The following GJC3 variants were observed in gnomAD, a reference collection of about 807,000 sequenced individuals.
GJC3 encodes the protein gap junction protein gamma 3, also known as gap junction gamma-3 protein.
In GJC3, 17 loss-of-function variants were observed where a neutral mutation model predicts 19.8. The ratio of observed to expected loss-of-function variants is 0.86; its 90% CI spans 0.59 to 1.29. The LOEUF (loss-of-function observed/expected upper bound fraction) is 1.29, where lower values mean the gene tolerates loss of function less well. Ranked by LOEUF, GJC3 falls within the 50% of genes most tolerant of loss-of-function variation. The pLI is 0.00. For synonymous variants in GJC3, 140 were observed against 136.5 expected (o/e 1.03, Z -0.18); for missense variants, 317 against 332.5 (o/e 0.95, Z 0.36).
At position 99,929,412 on chromosome 7, in the gene GJC3, G is replaced by T. The variant is rs1438307080; in HGVS notation, c.209C>A (p.Pro70His). 6.2e-7 allele frequency: 1 copy of T among 1,614,102 alleles called. No individual in the cohort carries two copies. The highest frequency in any genetic ancestry group is 1.7e-5 in the Admixed American group (1 of 60,030). Reference sequence around the variant, plus strand: ...GACCCAGAAACGCAGCGGGGAGAGGGGGTGGAAGGCATCGAAGCAGGCAGC... The same window carrying T: ...GACCCAGAAACGCAGCGGGGAGAGGTGGTGGAAGGCATCGAAGCAGGCAGC... ...CKAACFDAFH[P>H]LSPLRFWVFQ... is the part of the protein sequence containing the mutation. Residue 70 changes from proline to histidine, a missense_variant, in exon 1 of 2, where the codon CCC (proline) becomes CAC (histidine). Transcript: ENST00000312891.
At chr7:99,930,599 A>G (rs1359887782), upstream of GJC3, among the ~76,000 whole-genome samples, 1 of 152,148 alleles carries the variant, frequency 6.6e-6, no homozygotes, top group Non-Finnish European at 1.5e-5. Context: ...AACCGTCCCC[A>G]TTTAGCCTAA....
intron 1 of GJC3, among the ~76,000 whole-genome samples, chr7:99,924,235 C>A (rs1035630272): frequency 2.6e-5 from 4 of 152,152 alleles, no homozygotes; most frequent in Non-Finnish European, 4.4e-5. Flanking sequence ...TAAAGTTATT[C>A]TTTCCCCTCC....
At position 99,929,121 on chromosome 7, in the gene GJC3, A is replaced by G. The variant is rs1819854946; in HGVS notation, c.500T>C (p.Phe167Ser). 2 of 1,613,900 alleles carry G rather than the reference A, an allele frequency of 1.2e-6. No individual in the cohort carries two copies. Among genetic ancestry groups the G allele is most frequent in the South Asian group, 1.1e-5 (1 of 91,064 alleles). ...AAGGCAAGGTTCTCGGCGACATGCAAAGGAGCTGGGCATCTGGAACCCATA... is the reference window on the plus strand; with the variant it reads ...AAGGCAAGGTTCTCGGCGACATGCAGAGGAGCTGGGCATCTGGAACCCATA... The part of the protein sequence containing the change: ...HLYGFQMPSS[F>S]ACRREPCLGS... Residue 167 changes from phenylalanine to serine, a missense_variant, in exon 1 of 2, where the codon TTT becomes TCT. Physicochemically the swap from Phe to Ser is radical, Grantham distance 155 (BLOSUM62 -2). Transcript: ENST00000312891.
rs1484873472 is a variant in GJC3 at position 99,929,093 on chromosome 7, A to G, written c.528T>C (p.Gly176=). The G allele has an allele frequency of 3.1e-6, 5 of 1,613,944 alleles. No individual in the cohort carries two copies. The highest frequency in any genetic ancestry group is 1.7e-5 in the Admixed American group (1 of 60,018). The change falls in exon 1 of 2, where the codon GGT becomes GGC. Residue 176 remains glycine (G), a synonymous_variant. Transcript: ENST00000312891. ...SFACRREPCL[G]SITCNLSRPS... is the part of the protein sequence containing the mutation. ...GGCGGGACAGATTGCAGGTTATACT[A>G]CCAAGGCAAGGTTCTCGGCGACATG...
At position 99,929,562 on chromosome 7, in the gene GJC3, A is replaced by G. The variant is rs763394838; in HGVS notation, c.59T>C (p.Val20Ala). Residue 20 changes from valine (V) to alanine (A), a missense_variant, in exon 1 of 2, where the codon GTG (valine) becomes GCG (alanine). Val to Ala is a moderately conservative substitution (Grantham distance 64). Coordinates refer to ENST00000312891, the MANE Select transcript of GJC3 (RefSeq NM_181538.3). ...LAEESRRSTP[V>A]GRLLLPVLLG... ...GAGCACGGGAAGCAAGAGGCGCCCC[A>G]CGGGGGTGGAGCGCCGGCTCTCCTC... 1 of 1,612,578 alleles carries G rather than the reference A, an allele frequency of 6.2e-7. No individual in the cohort carries two copies. Among genetic ancestry groups the G allele is most frequent in the Non-Finnish European group, 8.5e-7 (1 of 1,179,884 alleles).
Position 99,928,881 on chromosome 7 carries a change from CT to C in GJC3, c.739del (p.Ser247AlafsTer20), listed in dbSNP as rs777963460. ...CTCTTTGGTTTCCACCACTGGGAGG[CT>C]ATCGGTTGCTTTCTTGTGTCTTCTG... ...STRRHKKATDSLPVVETKEQF... is the reference protein window; with the variant it reads ...STRRHKKATDXLPVVETKEQF... On this transcript the variant is annotated frameshift_variant, in exon 1 of 2. Coordinates refer to ENST00000312891, the MANE Select transcript of GJC3 (RefSeq NM_181538.3). LOFTEE classifies it high-confidence loss of function. 18 of 1,614,052 alleles carry C rather than the reference CT, an allele frequency of 1.1e-5. No homozygotes were observed. The highest frequency in any genetic ancestry group is 1.5e-5 in the Non-Finnish European group (18 of 1,180,036).
chr7:99,926,850 A>G (rs1819810155), intron 1 of GJC3, among the ~76,000 whole-genome samples: 1 of 152,238 alleles, frequency 6.6e-6, no homozygotes, highest in Admixed American at 6.5e-5. Flanking sequence ...CGTTTTGAAC[A>G]AGGAATTGGA....
rs1050815579 is a variant in GJC3 at position 99,928,881 on chromosome 7, C to T, written c.740G>A (p.Ser247Asn). Residue 247 changes from serine to asparagine, a missense_variant, in exon 1 of 2, where the codon AGC (serine) becomes AAC (asparagine). Physicochemically the swap from Ser to Asn is conservative, Grantham distance 46. Transcript: ENST00000312891. ...CTCTTTGGTTTCCACCACTGGGAGG[C>T]TATCGGTTGCTTTCTTGTGTCTTCT... ...STRRHKKATDSLPVVETKEQF... is the reference protein window; with the variant it reads ...STRRHKKATDNLPVVETKEQF... 1.2e-6 allele frequency: 2 copies of T among 1,614,052 alleles called. No homozygotes were observed.
chr7:99,929,752 T>A, upstream of GJC3: 1 of 792,320 alleles, frequency 1.3e-6, no homozygotes, highest in South Asian at 1.5e-5. Flanking sequence ...AGTATCTGAC[T>A]GATTAAATAC....
At position 99,929,556 on chromosome 7, in the gene GJC3, C is replaced by A; in HGVS notation, c.65G>T (p.Arg22Leu). ...TCCCAGGAGCACGGGAAGCAAGAGG[C>A]GCCCCACGGGGGTGGAGCGCCGGCT... ...EESRRSTPVGRLLLPVLLGFR... is the reference protein window; with the variant it reads ...EESRRSTPVGLLLLPVLLGFR... The change falls in exon 1 of 2, where the codon CGC (arginine) becomes CTC (leucine). Residue 22 changes from arginine to leucine, a missense_variant. Physicochemically the swap from Arg to Leu is moderately radical, Grantham distance 102. Coordinates refer to ENST00000312891, the MANE Select transcript of GJC3 (RefSeq NM_181538.3). 6.2e-7 allele frequency: 1 copy of A among 1,613,148 alleles called. No homozygotes were observed. Among genetic ancestry groups the A allele is most frequent in the South Asian group, 1.1e-5 (1 of 91,078 alleles).
intron 1 of GJC3, among the ~76,000 whole-genome samples, chr7:99,924,175 T>A (rs1291876463): frequency 1.3e-5 from 2 of 152,218 alleles, no homozygotes; most frequent in Non-Finnish European, 2.9e-5. Flanking sequence ...TCACTGTTGA[T>A]GTTAACCTTG....
rs1366113676 is a variant in GJC3, at chr7:99,923,536, A to T, written c.*9T>A. The stretch of plus-strand genomic sequence containing the variant: ...TGATGAGGAAAGTTGGCCAAAGTTC[A>T]TCTCCAACTCAGGCATCTCTGGGTC... On this transcript the variant is annotated 3_prime_UTR_variant, in exon 2 of 2. Transcript: ENST00000312891. The T allele has an allele frequency of 1.3e-6, 1 of 780,700 alleles. No individual in the cohort carries two copies. Among genetic ancestry groups the T allele is most frequent in the Non-Finnish European group, 2.4e-6 (1 of 418,110 alleles). The allele number at this position is 780,700 out of a possible 1,614,324, so 48.4% of individuals were successfully genotyped here. A position where few individuals can be genotyped will look rare whatever the true frequency, so the allele number is the denominator to read the frequency against.
upstream of GJC3, chr7:99,929,658 C>T: frequency 1.3e-6 from 2 of 1,563,052 alleles, no homozygotes; most frequent in Non-Finnish European, 1.7e-6. Context: ...CAGTGTTGTT[C>T]ACTGTCCTTC....
Position 99,929,617 on chromosome 7 carries a change from A to G in GJC3, c.4T>C (p.Cys2Arg). Residue 2 changes from cysteine (C) to arginine (R), a missense_variant, in exon 1 of 2, where the codon TGT (cysteine) becomes CGT (arginine). Cys to Arg is a radical substitution (Grantham distance 180). Transcript: ENST00000312891. Reference sequence around the variant, plus strand: ...AGCAGCCGCCGCAGGAACCTGCCACACATCCTGTTTTGGAGCAGAGGACAA... The same window carrying G: ...AGCAGCCGCCGCAGGAACCTGCCACGCATCCTGTTTTGGAGCAGAGGACAA... M[C>R]GRFLRRLLAE... The G allele has an allele frequency of 6.2e-7, 1 of 1,604,782 alleles. No individual in the cohort carries two copies. The highest frequency in any genetic ancestry group is 1.1e-5 in the South Asian group (1 of 90,726).
In GJC3 at chr7:99,929,276, C is replaced by A; in HGVS notation, c.345G>T (p.Leu115=). The part of the protein sequence containing the change: ...LSGKGKEEET[L]IQGREGNTDV... The stretch of plus-strand genomic sequence containing the variant: ...CTGTGTTGCCCTCCCGTCCCTGGAT[C>A]AGGGTCTCCTCCTCCTTCCCCTTTC... Residue 115 remains leucine, a synonymous_variant, in exon 1 of 2, where the codon CTG becomes CTT. Transcript: ENST00000312891. 1 of 1,614,204 alleles carries A rather than the reference C, an allele frequency of 6.2e-7. No individual in the cohort carries two copies. The highest frequency in any genetic ancestry group is 8.5e-7 in the Non-Finnish European group (1 of 1,180,042).
At chr7:99,928,001 C>T (rs985671108) in intron 1 of GJC3, among the ~76,000 whole-genome samples, 2 of 152,184 alleles carry the variant, frequency 1.3e-5, no homozygotes, top group Non-Finnish European at 2.9e-5. Flanking sequence ...AAGGATATGG[C>T]CGGGTATTTG....
In GJC3 at chr7:99,928,822, A is replaced by C; in HGVS notation, c.781+18T>G. ...GGACACAAACATCAGTGACAGGAAG[A>C]GAGCGTGTCCTTCTCACCTGCTTCT... On this transcript the variant is annotated intron_variant, in intron 1 of 1. Transcript: ENST00000312891. The C allele has an allele frequency of 2.5e-6, 4 of 1,611,980 alleles. No individual in the cohort carries two copies. Among genetic ancestry groups the C allele is most frequent in the Non-Finnish European group, 3.4e-6 (4 of 1,178,008 alleles).
chr7:99,928,778 C>A, intron 1 of GJC3, 62 bp downstream of exon 1: 1 of 1,512,688 alleles, frequency 6.6e-7, no homozygotes, highest in Non-Finnish European at 9.2e-7. Context: ...GAGGGACCTG[C>A]CCCGGGAGGA....
At chr7:99,930,592 C>T (rs924858789), upstream of GJC3, among the ~76,000 whole-genome samples, 3 of 152,096 alleles carry the variant, frequency 2.0e-5, no homozygotes, top group Admixed American at 1.3e-4. Flanking sequence ...TGTTTCAAAC[C>T]GTCCCCATTT....
Sources: gnomAD v4.1 joint callset for allele counts (sites outside exome capture counted in the v4.1 genomes callset) on GRCh38, gnomAD v4.1.1 for gene constraint, MANE v1.5 for transcripts, NCBI Gene and HGNC (gene_info 2026-07-23, HGNC 2026-07-21) for gene names.